The following NFIB variants were observed in gnomAD, a reference collection of about 807,000 sequenced individuals.
The protein encoded by NFIB is nuclear factor 1 B-type.
NFIB carries 11 observed loss-of-function variants against 61.5 expected under a neutral mutation model. That is an observed-to-expected ratio of 0.18 (90% CI 0.11 to 0.30). The LOEUF (loss-of-function observed/expected upper bound fraction) is 0.30, where lower values mean the gene tolerates loss of function less well. NFIB is among the 10% of genes least tolerant of loss of function. The pLI, the probability that NFIB is intolerant of heterozygous loss-of-function variation, is 1.00. For synonymous variants in NFIB, 260 were observed against 216.5 expected (o/e 1.20, Z -1.76); for missense variants, 471 against 608.9 (o/e 0.77, Z 2.38).
chr9:14,379,552 A>C (rs2061459049), intron 1 of NFIB, among the ~76,000 whole-genome samples: 1 of 152,194 alleles, frequency 6.6e-6, no homozygotes, highest in Non-Finnish European at 1.5e-5. Context: ...TAAGGATCTC[A>C]AAGTCCTTAT....
intron 2 of NFIB, among the ~76,000 whole-genome samples, chr9:14,282,230 A>C (rs1437758555): frequency 6.6e-6 from 1 of 152,140 alleles, no homozygotes; most frequent in African/African-American, 2.4e-5. Context: ...ACCTCATTTT[A>C]TTTGCTACAG....
intron 2 of NFIB, among the ~76,000 whole-genome samples, chr9:14,194,214 GACATA>G (rs1432829744): frequency 1.3e-5 from 2 of 152,246 alleles, no homozygotes; most frequent in East Asian, 3.9e-4. Flanking sequence ...AGTCTAAATA[GACATA>G]AAGTGGCCAT....
Position 14,193,736 on chromosome 9 carries a change from A to G in NFIB, c.563-13956T>C, listed in dbSNP as rs555931859. On this transcript the variant is annotated intron_variant, in intron 2 of 10. Coordinates refer to ENST00000380953, the MANE Select transcript of NFIB (RefSeq NM_001190737.2). ...TATGAACTCACAGTACCAAAACTTTAGAATCACATATGCAAACAGTACCAA... is the reference window on the plus strand; with the variant it reads ...TATGAACTCACAGTACCAAAACTTTGGAATCACATATGCAAACAGTACCAA... 3.3e-5 allele frequency among the ~76,000 whole-genome samples: 5 copies of G among 152,344 alleles called. No homozygotes were observed. In the South Asian group the frequency reaches 8.3e-4, roughly 25 times the overall value.
the NFIB span, among the ~76,000 whole-genome samples, chr9:14,431,684 T>C: frequency 6.6e-6 from 1 of 151,750 alleles, no homozygotes; most frequent in Admixed American, 6.6e-5. Flanking sequence ...CAAATTCAAG[T>C]TGATTTATTT....
chr9:14,285,396 A>G (rs2058645729), intron 2 of NFIB, among the ~76,000 whole-genome samples: 1 of 152,258 alleles, frequency 6.6e-6, no homozygotes, highest in South Asian at 2.1e-4. Flanking sequence ...TGCTGGGATT[A>G]CAGGCGTGAG....
At chr9:14,353,770 G>A (rs56289817) in intron 1 of NFIB, among the ~76,000 whole-genome samples, 4,299 of 152,126 alleles carry the variant, frequency 0.028, 187 homozygotes, top group African/African-American at 0.099. Flanking sequence ...CATTTGCTAA[G>A]GGAGTTGAAG....
intron 1 of NFIB, among the ~76,000 whole-genome samples, chr9:14,379,832 G>A (rs1467345424): frequency 6.6e-6 from 1 of 152,032 alleles, no homozygotes; most frequent in African/African-American, 2.4e-5. Context: ...ACAGGTGCCT[G>A]CCACCACACC....
At chr9:14,301,233 C>T (rs370230281) in intron 2 of NFIB, among the ~76,000 whole-genome samples, 2 of 152,168 alleles carry the variant, frequency 1.3e-5, no homozygotes, top group African/African-American at 4.8e-5. Flanking sequence ...CTTCAGGAGA[C>T]CTGACCGTCA....
At chr9:14,484,755 ATTAATGG>A in the NFIB span, among the ~76,000 whole-genome samples, 23 of 152,372 alleles carry the variant, frequency 1.5e-4, no homozygotes, top group South Asian at 4.6e-3. Context: ...AGATTAGAGG[ATTAATGG>A]TTAATGAGAC....
chr9:14,518,941 G>A, the NFIB span, among the ~76,000 whole-genome samples: 2 of 152,176 alleles, frequency 1.3e-5, no homozygotes, highest in South Asian at 4.1e-4. Flanking sequence ...CTATTGGAAG[G>A]AGGAAGGGGA....
intron 3 of NFIB, among the ~76,000 whole-genome samples, chr9:14,170,958 C>T (rs1281193142): frequency 6.6e-6 from 1 of 152,120 alleles, no homozygotes; most frequent in Non-Finnish European, 1.5e-5. Context: ...TCTATGTTAC[C>T]TTATGACACC....
chr9:14,398,844 C>G, exon 1 of NFIB: 1 of 471,304 alleles, frequency 2.1e-6, no homozygotes, highest in Non-Finnish European at 3.7e-6. Context: ...ACAAAGGGGT[C>G]CTGTACACTC....
chr9:14,260,545 G>T (rs2056650812), intron 2 of NFIB, among the ~76,000 whole-genome samples: 1 of 152,172 alleles, frequency 6.6e-6, no homozygotes, highest in Non-Finnish European at 1.5e-5. Context: ...TCAAATAATA[G>T]GAACTTTTCC....
At position 14,307,130 on chromosome 9, in the gene NFIB, T is replaced by G; in HGVS notation, c.421A>C (p.Ile141Leu). The change falls in exon 2 of 11, where the codon ATC becomes CTC. Residue 141 changes from isoleucine to leucine, a missense_variant. Ile to Leu is a conservative substitution (Grantham distance 5). This residue lies in a region of NFIB where 99 missense variants were observed against 213.3 expected (regional missense o/e 0.46). Transcript: ENST00000380953. This position sits in a 1 kb window ranked among gnomAD's most constrained non-coding sequence, Gnocchi z 5.3. ...DLVMVILFKG[I>L]PLESTDGERL... Reference sequence around the variant, plus strand: ...TCTCCATCGGTACTTTCCAAGGGGATGCCTTTGAACAGGATCACCATGACT... The same window carrying G: ...TCTCCATCGGTACTTTCCAAGGGGAGGCCTTTGAACAGGATCACCATGACT... 6.2e-7 allele frequency: 1 copy of G among 1,614,188 alleles called. No individual in the cohort carries two copies. Among genetic ancestry groups the G allele is most frequent in the South Asian group, 1.1e-5 (1 of 91,088 alleles).
intron 4 of NFIB, among the ~76,000 whole-genome samples, chr9:14,155,447 T>C (rs560142315): frequency 6.6e-6 from 1 of 152,252 alleles, no homozygotes; most frequent in African/African-American, 2.4e-5. Flanking sequence ...AAAATGTTAG[T>C]AAAATGAAAA....
At chr9:14,378,318 T>C (rs1424228020) in intron 1 of NFIB, among the ~76,000 whole-genome samples, 2 of 152,208 alleles carry the variant, frequency 1.3e-5, no homozygotes, top group Non-Finnish European at 2.9e-5. Flanking sequence ...CTTATTATTT[T>C]CACATCCCTC....
At chr9:14,356,398 G>C (rs940982824) in intron 1 of NFIB, among the ~76,000 whole-genome samples, 1 of 152,062 alleles carries the variant, frequency 6.6e-6, no homozygotes, top group Admixed American at 6.6e-5. Context: ...CTTGAGAAAA[G>C]GCCCCACACG....
chr9:14,451,275 T>G, the NFIB span, among the ~76,000 whole-genome samples: 3 of 152,236 alleles, frequency 2.0e-5, no homozygotes, highest in African/African-American at 7.2e-5. Flanking sequence ...AGGTAGGTGT[T>G]CACCAGTTTA....
intron 2 of NFIB, among the ~76,000 whole-genome samples, chr9:14,270,928 A>G (rs762539991): frequency 6.6e-6 from 1 of 152,104 alleles, no homozygotes; most frequent in Non-Finnish European, 1.5e-5. Context: ...CAAAAATTGC[A>G]CACAGCCGCC....
Sources: gnomAD v4.1 joint callset for allele counts (sites outside exome capture counted in the v4.1 genomes callset) on GRCh38, gnomAD v4.1.1 for gene constraint, gnomAD v4.1.1 regional missense constraint, Gnocchi (gnomAD v3.1) non-coding constraint, MANE v1.5 for transcripts, NCBI Gene and HGNC (gene_info 2026-07-23, HGNC 2026-07-21) for gene names.